DNAH11: variants seen among roughly 807,000 people sequenced by gnomAD.
The protein encoded by DNAH11 is axonemal beta dynein heavy chain 11.
A neutral mutation model predicts 526.0 loss-of-function variants in DNAH11; 442 were observed. The observed-to-expected ratio is 0.84, with a 90% CI of 0.78 to 0.91. The LOEUF (loss-of-function observed/expected upper bound fraction) is 0.91. Among genes scored for constraint, DNAH11 ranks in the 40% least tolerant of loss-of-function variants. The pLI is 0.00. For missense variants in DNAH11, 6,989 were observed against 5,448.7 expected (o/e 1.28, Z -8.90); for synonymous variants, 2,461 against 1,935.9 (o/e 1.27, Z -7.12).
chr7:21,829,355 A>T lies in DNAH11; in HGVS notation c.10691+11016A>T, dbSNP rs144210882. On this transcript the variant is annotated intron_variant, in intron 65 of 81. Transcript: ENST00000409508. ...ATGGAATTTCTCCTATTCAGAGAAC[A>T]TGTTGGCTATCTGAATTGTCCAACT... Among the ~76,000 whole-genome samples the T allele has an allele frequency of 1.9e-3, 286 of 152,268 alleles. 1 individual carries two copies. The highest frequency in any genetic ancestry group is 6.2e-3 in the African/African-American group (259 of 41,564).
intron 61 of DNAH11, among the ~76,000 whole-genome samples, chr7:21,797,151 A>G (rs1428221665): frequency 1.3e-5 from 2 of 152,170 alleles, no homozygotes; most frequent in Non-Finnish European, 2.9e-5. Context: ...CTCAGAAAAT[A>G]TTTTGGAAAC....
At chr7:21,612,443 T>TACTC (rs1403441052) in intron 20 of DNAH11, among the ~76,000 whole-genome samples, 1 of 150,368 alleles carries the variant, frequency 6.7e-6, no homozygotes, top group East Asian at 2.0e-4. Flanking sequence ...TAGTCCCAGC[T>TACTC]ACTCAGGGGG....
At chr7:21,608,793 C>A (rs1785403175) in intron 20 of DNAH11, among the ~76,000 whole-genome samples, 1 of 152,004 alleles carries the variant, frequency 6.6e-6, no homozygotes, top group South Asian at 2.1e-4. Flanking sequence ...GTATCATGTT[C>A]ATGCTATACT....
At chr7:21,645,016 G>T (rs1395042657) in intron 28 of DNAH11, among the ~76,000 whole-genome samples, 1 of 152,164 alleles carries the variant, frequency 6.6e-6, no homozygotes, top group Admixed American at 6.5e-5. Context: ...CCACTGCATT[G>T]TATTCTATTG....
At chr7:21,821,640 C>T (rs932358697) in intron 65 of DNAH11, among the ~76,000 whole-genome samples, 7 of 152,122 alleles carry the variant, frequency 4.6e-5, no homozygotes, top group Admixed American at 1.3e-4. Flanking sequence ...TACATGTATA[C>T]GATGTGTGAT....
intron 30 of DNAH11, among the ~76,000 whole-genome samples, chr7:21,671,568 A>G (rs79630096): frequency 0.028 from 4,281 of 151,316 alleles, 182 homozygotes; most frequent in African/African-American, 0.098. Context: ...TGGGTTTTCT[A>G]GGTGTTTATC....
Position 21,892,438 on chromosome 7 carries a change from T to G in DNAH11, c.12521T>G (p.Leu4174Arg), listed in dbSNP as rs144474011. 872 of 1,610,726 alleles carry G rather than the reference T, an allele frequency of 5.4e-4. 3 individuals are homozygous for G. In the African/African-American group the frequency reaches 0.01, roughly 19 times the overall value. ...FMNPSLTEDE[L>R]MLAPGFAAPP... is the part of the protein sequence containing the mutation. ...TTGTGGTTCAAGACTGAAGATGAAC[T>G]GATGCTGGCACCAGGTTTTGCTGCC... is the stretch of plus-strand genomic sequence containing the variant. Residue 4174 changes from leucine (L) to arginine (R), a missense_variant, in exon 77 of 82, where the codon CTG becomes CGG. Leu to Arg is a moderately radical substitution (Grantham distance 102, BLOSUM62 -2). Transcript: ENST00000409508.
chr7:21,834,483 G>A (rs999750713), intron 65 of DNAH11, among the ~76,000 whole-genome samples: 7 of 151,912 alleles, frequency 4.6e-5, no homozygotes, highest in South Asian at 2.1e-4. Context: ...AAGTAATGAA[G>A]ATCAGAATAG....
At chr7:21,606,910 G>C (rs1012470405) in intron 20 of DNAH11, among the ~76,000 whole-genome samples, 177 bp downstream of exon 20, 6 of 152,128 alleles carry the variant, frequency 3.9e-5, no homozygotes, top group African/African-American at 1.4e-4. Context: ...TTCAAATCAT[G>C]CCTCCCAAAA....
At chr7:21,879,029 T>C (rs117520650) in intron 74 of DNAH11, among the ~76,000 whole-genome samples, 3,464 of 152,260 alleles carry the variant, frequency 0.023, 58 homozygotes, top group Non-Finnish European at 0.034. Flanking sequence ...AATCTGAACA[T>C]GGGTGAAATA....
At chr7:21,712,885 G>T (rs1784512857) in intron 42 of DNAH11, among the ~76,000 whole-genome samples, 1 of 152,106 alleles carries the variant, frequency 6.6e-6, no homozygotes, top group Admixed American at 6.6e-5. Flanking sequence ...ATTTTTACTT[G>T]GACATTACCT....
At chr7:21,602,039 T>C (rs1471736919) in intron 18 of DNAH11, among the ~76,000 whole-genome samples, 2 of 152,076 alleles carry the variant, frequency 1.3e-5, no homozygotes, top group Non-Finnish European at 2.9e-5. Context: ...ATCATGGATT[T>C]GTTAATAAAG....
At chr7:21,680,860 A>G (rs1265256006) in intron 30 of DNAH11, among the ~76,000 whole-genome samples, 1 of 152,262 alleles carries the variant, frequency 6.6e-6, no homozygotes, top group Non-Finnish European at 1.5e-5. Context: ...TTTCTAAAGA[A>G]AAATATAATT....
chr7:21,700,873 A>G (rs1404959137), intron 36 of DNAH11, among the ~76,000 whole-genome samples: 1 of 152,068 alleles, frequency 6.6e-6, no homozygotes, highest in Non-Finnish European at 1.5e-5. Flanking sequence ...GAAACCAAAC[A>G]CCACATATTC....
intron 13 of DNAH11, 74 bp downstream of exon 13, chr7:21,591,096 A>G (rs1027363654): frequency 4.3e-6 from 6 of 1,399,672 alleles, no homozygotes; most frequent in African/African-American, 3.0e-5. Context: ...TAATTATTAT[A>G]TAGATCTATA....
chr7:21,879,855 A>C (rs1783848755), intron 74 of DNAH11, among the ~76,000 whole-genome samples: 1 of 152,136 alleles, frequency 6.6e-6, no homozygotes, highest in Non-Finnish European at 1.5e-5. Context: ...GAGGCCGAGC[A>C]GGGTGGATCA....
chr7:21,771,785 A>G (rs937001800), intron 55 of DNAH11, among the ~76,000 whole-genome samples: 1 of 152,104 alleles, frequency 6.6e-6, no homozygotes, highest in African/African-American at 2.4e-5. Context: ...AAAATACAGC[A>G]TTGCGTAGCC....
intron 2 of DNAH11, among the ~76,000 whole-genome samples, chr7:21,548,183 G>A (rs997417971): frequency 1.5e-4 from 19 of 129,772 alleles, no homozygotes; most frequent in Non-Finnish European, 2.4e-4. Context: ...GCCATCTGGG[G>A]CGGTATTCTT....
chr7:21,819,306 A>G (rs900917135), intron 65 of DNAH11, among the ~76,000 whole-genome samples: 1 of 152,160 alleles, frequency 6.6e-6, no homozygotes, highest in Non-Finnish European at 1.5e-5. Flanking sequence ...ATAGGCCTAC[A>G]TCAGGGTGAC....
Sources: allele counts gnomAD v4.1 joint callset (sites outside exome capture counted in the v4.1 genomes callset), GRCh38; gene constraint gnomAD v4.1.1; transcripts MANE v1.5; gene names NCBI Gene and HGNC (gene_info 2026-07-23, HGNC 2026-07-21).